MYO5C: variants seen among roughly 807,000 people sequenced by gnomAD.
MYO5C encodes myosin VC, also known as unconventional myosin-Vc.
In MYO5C, 194 loss-of-function variants were observed where a neutral mutation model predicts 235.7. That is an observed-to-expected ratio of 0.82 (90% CI 0.73 to 0.93). The LOEUF is 0.93. Among genes scored for constraint, MYO5C ranks in the 40% least tolerant of loss-of-function variants. The pLI, the probability that MYO5C is intolerant of heterozygous loss-of-function variation, is 0.00. For missense variants in MYO5C, 2,038 were observed against 2,127.2 expected, an observed-to-expected ratio of 0.96 and a Z score of 0.82; for synonymous variants, 707 against 754.8, an observed-to-expected ratio of 0.94 and a Z score of 1.04.
chr15:52,260,820 C>T lies in MYO5C; in HGVS notation c.1313+42G>A, dbSNP rs766183028. 4.4e-6 allele frequency: 7 copies of T among 1,601,180 alleles called. No homozygotes were observed. In the East Asian group the frequency reaches 1.6e-4, roughly 36 times the overall value. Reference sequence around the variant, plus strand: ...GATCTAAAAACCATGCGGCTCTCAACATTTAAAGGAGGAAAGACAGGCTCA... The same window carrying T: ...GATCTAAAAACCATGCGGCTCTCAATATTTAAAGGAGGAAAGACAGGCTCA... On this transcript the variant is annotated intron_variant, in intron 10 of 40. Transcript: ENST00000261839.
At chr15:52,236,536 C>T (rs1288984610) in intron 22 of MYO5C, among the ~76,000 whole-genome samples, 1 of 152,130 alleles carries the variant, frequency 6.6e-6, no homozygotes, top group East Asian at 1.9e-4. Flanking sequence ...ATTAGCCGGG[C>T]GTCATGGCGC....
At chr15:52,237,697 T>C (rs1438834686) in intron 21 of MYO5C, 51 bp from the exon 22 acceptor site, 1 of 1,555,430 alleles carries the variant, frequency 6.4e-7, no homozygotes, top group Middle Eastern at 1.7e-4. Flanking sequence ...ACAAAGATGC[T>C]GTTCCATTTA....
intron 9 of MYO5C, among the ~76,000 whole-genome samples, chr15:52,263,265 T>C (rs1002762932): frequency 6.6e-6 from 1 of 152,244 alleles, no homozygotes; most frequent in Non-Finnish European, 1.5e-5. Flanking sequence ...ATTTTTTACT[T>C]GTGTTTGTTT....
At chr15:52,220,286 G>C (rs932766237) in intron 30 of MYO5C, among the ~76,000 whole-genome samples, 1 of 152,152 alleles carries the variant, frequency 6.6e-6, no homozygotes, top group South Asian at 2.1e-4. Context: ...GGAATCTCTA[G>C]CAATACTGGG....
intron 12 of MYO5C, among the ~76,000 whole-genome samples, chr15:52,252,369 T>G (rs1195824541): frequency 6.6e-6 from 1 of 151,984 alleles, no homozygotes; most frequent in Non-Finnish European, 1.5e-5. Flanking sequence ...ACTTCCTAAT[T>G]AACTCACTCC....
At chr15:52,271,109 A>T (rs547904011) in intron 7 of MYO5C, among the ~76,000 whole-genome samples, 8 of 152,284 alleles carry the variant, frequency 5.3e-5, no homozygotes, top group Admixed American at 1.3e-4. Flanking sequence ...GGTTTGTTTT[A>T]ATAAGTGGGT....
In MYO5C at chr15:52,219,841, T is replaced by A; in HGVS notation, c.3722-19A>T. 6.3e-7 allele frequency: 1 copy of A among 1,592,660 alleles called. No individual in the cohort carries two copies. The highest frequency in any genetic ancestry group is 8.6e-7 in the Non-Finnish European group (1 of 1,162,362). On this transcript the variant is annotated intron_variant, in intron 30 of 40. Transcript: ENST00000261839. Reference sequence around the variant, plus strand: ...AGTTTTCCTATAATGAGAAGAACTGTCAGTACTTTGGGGGGGCACATATCA... The same window carrying A: ...AGTTTTCCTATAATGAGAAGAACTGACAGTACTTTGGGGGGGCACATATCA...
chr15:52,221,708 T>C (rs549471656), intron 29 of MYO5C, among the ~76,000 whole-genome samples: 12 of 152,292 alleles, frequency 7.9e-5, no homozygotes, highest in African/African-American at 2.9e-4. Flanking sequence ...AGTTTCTCAA[T>C]CCTTTGTCCC....
intron 1 of MYO5C, among the ~76,000 whole-genome samples, chr15:52,286,101 G>A (rs1357133049): frequency 1.3e-5 from 2 of 151,838 alleles, no homozygotes; most frequent in Admixed American, 6.6e-5. Flanking sequence ...GAGAAGTGAG[G>A]AGCCCCTCCG....
chr15:52,247,394 G>T, intron 15 of MYO5C, 64 bp downstream of exon 15: 1 of 1,565,926 alleles, frequency 6.4e-7, no homozygotes, highest in Admixed American at 1.9e-5. Context: ...TCCTCTGAGT[G>T]CCCTGGCTCC....
At chr15:52,264,388 C>T in intron 8 of MYO5C, 92 bp from the exon 9 acceptor site, 1 of 994,620 alleles carries the variant, frequency 1.0e-6, no homozygotes, top group Non-Finnish European at 1.5e-6. Context: ...ATGCAGGTAG[C>T]ATCAGTGCCA....
intron 1 of MYO5C, among the ~76,000 whole-genome samples, chr15:52,289,598 T>C (rs1302134980): frequency 6.6e-6 from 1 of 151,088 alleles, no homozygotes; most frequent in Non-Finnish European, 1.5e-5. Context: ...TGGCCATAAG[T>C]CAGCCCCCAA....
chr15:52,253,604 A>G (rs1240938533), intron 11 of MYO5C, 147 bp from the exon 12 acceptor site: 1 of 765,018 alleles, frequency 1.3e-6, no homozygotes, highest in Non-Finnish European at 2.1e-6. Flanking sequence ...GACAAGGCCC[A>G]TACCGTGATC....
chr15:52,206,505 C>A (rs1224574126), intron 36 of MYO5C, among the ~76,000 whole-genome samples: 1 of 152,008 alleles, frequency 6.6e-6, no homozygotes, highest in African/African-American at 2.4e-5. Flanking sequence ...AGGATAGGGC[C>A]GTGATCTAAT....
In MYO5C at chr15:52,282,851, C is replaced by T. The variant is rs777386190; in HGVS notation, c.69G>A (p.Lys23=). 6.2e-7 allele frequency: 1 copy of T among 1,614,160 alleles called. No individual in the cohort carries two copies. The highest frequency in any genetic ancestry group is 1.1e-5 in the South Asian group (1 of 91,088). The part of the protein sequence containing the change: ...VWIPDPEEVW[K]SAEIAKDYRV... ...TGTAGTCCTTGGCTATTTCAGCAGA[C>T]TTCCAAACTTCTTCAGGATCGGGAA... The change falls in exon 2 of 41, where the codon AAG becomes AAA. Residue 23 remains lysine, a synonymous_variant. Transcript: ENST00000261839.
chr15:52,238,416 A>G (rs567707284), intron 21 of MYO5C, among the ~76,000 whole-genome samples: 1 of 152,314 alleles, frequency 6.6e-6, no homozygotes, highest in East Asian at 1.9e-4. Flanking sequence ...CAACAGCACA[A>G]TGAGGGAAAC....
chr15:52,203,394 T>TTGGA (rs1181778578), intron 38 of MYO5C, among the ~76,000 whole-genome samples: 1 of 152,032 alleles, frequency 6.6e-6, no homozygotes, highest in Non-Finnish European at 1.5e-5. Context: ...GTCGCCCAGG[T>TTGGA]TGGAGTGCAA....
At chr15:52,276,687 C>G (rs1345696408) in intron 4 of MYO5C, among the ~76,000 whole-genome samples, 4 of 152,174 alleles carry the variant, frequency 2.6e-5, no homozygotes, top group Non-Finnish European at 5.9e-5. Context: ...TTCTGCACAT[C>G]CCACTTAAAT....
At chr15:52,209,206 CAG>C (rs1385812556) in intron 35 of MYO5C, among the ~76,000 whole-genome samples, 1 of 152,090 alleles carries the variant, frequency 6.6e-6, no homozygotes, top group Admixed American at 6.6e-5. Flanking sequence ...GAGGGGAAAA[CAG>C]AGAAAATCCT....
Sources: gnomAD v4.1 joint callset for allele counts (sites outside exome capture counted in the v4.1 genomes callset) on GRCh38, gnomAD v4.1.1 for gene constraint, MANE v1.5 for transcripts, NCBI Gene and HGNC (gene_info 2026-07-23, HGNC 2026-07-21) for gene names.